Variants in MNAT1 observed in about 807,000 individuals in gnomAD.
The protein encoded by MNAT1 is CDK-activating kinase assembly factor MAT1.
MNAT1 carries 43 observed loss-of-function variants against 42.0 expected under a neutral mutation model. The observed-to-expected ratio is 1.02, with a 90% CI of 0.80 to 1.32. MNAT1 has a LOEUF of 1.32. Ranked by LOEUF, MNAT1 falls within the 40% of genes most tolerant of loss-of-function variation. The pLI is 0.00. For missense variants in MNAT1, 306 were observed against 350.4 expected, an observed-to-expected ratio of 0.87 and a Z score of 1.01; for synonymous variants, 118 against 120.0, an observed-to-expected ratio of 0.98 and a Z score of 0.11.
At chr14:60,931,167 AG>A (rs1019762484) in intron 7 of MNAT1, among the ~76,000 whole-genome samples, 2 of 152,146 alleles carry the variant, frequency 1.3e-5, no homozygotes, top group African/African-American at 4.8e-5. Context: ...CTTCAGGTGC[AG>A]GGTAAGGAAT....
At chr14:60,815,239 T>TG (rs1369826256) in intron 5 of MNAT1, among the ~76,000 whole-genome samples, 1 of 151,852 alleles carries the variant, frequency 6.6e-6, no homozygotes, top group Non-Finnish European at 1.5e-5. Context: ...TTTTTTGAGA[T>TG]GGAGTCTTGC....
At chr14:60,742,475 A>G (rs2140284866) in intron 1 of MNAT1, among the ~76,000 whole-genome samples, 1 of 152,326 alleles carries the variant, frequency 6.6e-6, no homozygotes, top group East Asian at 1.9e-4. Context: ...TTTGCTTTAA[A>G]CAGTCAGTTG....
chr14:60,755,105 C>G lies in MNAT1; in HGVS notation c.89+20154C>G, dbSNP rs572710668. On this transcript the variant is annotated intron_variant, in intron 1 of 7. Coordinates refer to ENST00000261245, the MANE Select transcript of MNAT1 (RefSeq NM_002431.4). ...ACTTCAAACCTCTGGGCTCAGGAACCCTTCTGCCTCAACCTCCCAAGTAGC... is the reference window on the plus strand; with the variant it reads ...ACTTCAAACCTCTGGGCTCAGGAACGCTTCTGCCTCAACCTCCCAAGTAGC... Among the ~76,000 whole-genome samples, 8 of 152,060 alleles carry G rather than the reference C, an allele frequency of 5.3e-5. No individual in the cohort carries two copies. In the South Asian group the frequency reaches 1.7e-3, roughly 32 times the overall value.
intron 7 of MNAT1, among the ~76,000 whole-genome samples, chr14:60,900,502 G>A (rs1324046274): frequency 3.9e-5 from 6 of 152,114 alleles, no homozygotes; most frequent in Non-Finnish European, 8.8e-5. Flanking sequence ...AGCTACAGAA[G>A]AAAATTCTAA....
At chr14:60,736,111 A>C (rs996916880) in intron 1 of MNAT1, among the ~76,000 whole-genome samples, 1 of 152,250 alleles carries the variant, frequency 6.6e-6, no homozygotes, top group African/African-American at 2.4e-5. Flanking sequence ...AAAGAAGTAT[A>C]GTAGAGCTGT....
At chr14:60,913,979 C>T (rs1413501105) in intron 7 of MNAT1, among the ~76,000 whole-genome samples, 4 of 152,218 alleles carry the variant, frequency 2.6e-5, no homozygotes, top group African/African-American at 9.6e-5. Flanking sequence ...CCACGCAGTT[C>T]GAGCTTCCTG....
chr14:60,885,256 T>C (rs1218383634), intron 7 of MNAT1, among the ~76,000 whole-genome samples: 1 of 151,900 alleles, frequency 6.6e-6, no homozygotes, highest in African/African-American at 2.4e-5. Context: ...TGTTCTGTTA[T>C]TCTCCTTATG....
chr14:60,860,544 G>A (rs2034073041), intron 6 of MNAT1, among the ~76,000 whole-genome samples: 2 of 151,726 alleles, frequency 1.3e-5, no homozygotes, highest in South Asian at 2.1e-4. Context: ...TAGTAGAGAC[G>A]GGGTTTGACC....
At chr14:60,887,175 TTTG>T (rs1000352157) in intron 7 of MNAT1, among the ~76,000 whole-genome samples, 4 of 151,614 alleles carry the variant, frequency 2.6e-5, no homozygotes, top group African/African-American at 7.3e-5. Flanking sequence ...TTGCATTTTT[TTTG>T]TTGTTGTTGT....
At chr14:60,953,721 T>C (rs544267537) in intron 7 of MNAT1, among the ~76,000 whole-genome samples, 6 of 152,316 alleles carry the variant, frequency 3.9e-5, no homozygotes, top group Admixed American at 6.5e-5. Flanking sequence ...CCATGATGGC[T>C]TTACAATTTA....
At chr14:60,924,986 T>C (rs1398056829) in intron 7 of MNAT1, among the ~76,000 whole-genome samples, 1 of 152,238 alleles carries the variant, frequency 6.6e-6, no homozygotes, top group Non-Finnish European at 1.5e-5. Context: ...ATATGTTACA[T>C]TGTTAATTAA....
At chr14:60,938,898 C>T (rs1046313165) in intron 7 of MNAT1, among the ~76,000 whole-genome samples, 28 of 152,164 alleles carry the variant, frequency 1.8e-4, no homozygotes, top group Admixed American at 1.3e-4. Flanking sequence ...TAATTATTGC[C>T]TCAATTTCAG....
intron 2 of MNAT1, among the ~76,000 whole-genome samples, chr14:60,796,984 A>G (rs2032039398): frequency 6.6e-6 from 1 of 152,018 alleles, no homozygotes; most frequent in South Asian, 2.1e-4. Flanking sequence ...CATAGTAAAT[A>G]TATGTGTGTA....
rs373998263 is a variant in MNAT1 at position 60,869,041 on chromosome 14, T to TATATATATATATATATATA, written c.688-10673_688-10672insATATATATATATATATATA. 1.9e-3 allele frequency among the ~76,000 whole-genome samples: 173 copies of TATATATATATATATATATA among 92,680 alleles called. 1 individual carries two copies. Among genetic ancestry groups the TATATATATATATATATATA allele is most frequent in the Middle Eastern group, 6.3e-3 (1 of 158 alleles). 60.8% of individuals were successfully genotyped at this position (92,680 alleles called of 152,430 possible). A position where few individuals can be genotyped will look rare whatever the true frequency, so the allele number is the denominator to read the frequency against. ...TTTTATACATATATATATATATATA[T>TATATATATATATATATATA]TTTTTTTTTTTTTTTTGAGACGGAG... On this transcript the variant is annotated intron_variant, in intron 6 of 7. Transcript: ENST00000261245.
At chr14:60,844,219 A>G (rs958060078) in intron 6 of MNAT1, among the ~76,000 whole-genome samples, 4 of 152,078 alleles carry the variant, frequency 2.6e-5, no homozygotes, top group African/African-American at 9.7e-5. Flanking sequence ...TGCTTTTTGC[A>G]TATCCTTAAC....
At chr14:60,859,205 A>C (rs1208328736) in intron 6 of MNAT1, among the ~76,000 whole-genome samples, 1 of 152,236 alleles carries the variant, frequency 6.6e-6, no homozygotes, top group Non-Finnish European at 1.5e-5. Context: ...TTGGAGACCC[A>C]GGCATATCTC....
intron 3 of MNAT1, among the ~76,000 whole-genome samples, chr14:60,805,462 A>G (rs2032338602): frequency 6.6e-6 from 1 of 152,180 alleles, no homozygotes; most frequent in Non-Finnish European, 1.5e-5. Context: ...GGTGCTGTAT[A>G]CCCTATGAGT....
At chr14:60,894,086 C>G (rs2034900558) in intron 7 of MNAT1, among the ~76,000 whole-genome samples, 1 of 152,098 alleles carries the variant, frequency 6.6e-6, no homozygotes, top group Non-Finnish European at 1.5e-5. Context: ...AGGGCTGTTT[C>G]CTGCCTCTCC....
chr14:60,880,284 T>C lies in MNAT1; in HGVS notation c.809+449T>C, dbSNP rs17097860. ...AAATATATTTTGTTGAAAGGTATAA[T>C]GTAAGGCTGGCCCTGTGGTTCAACA... On this transcript the variant is annotated intron_variant, in intron 7 of 7. Coordinates refer to ENST00000261245, the MANE Select transcript of MNAT1 (RefSeq NM_002431.4). 5.1e-3 allele frequency among the ~76,000 whole-genome samples: 778 copies of C among 152,274 alleles called. 14 individuals are homozygous for C. The highest frequency in any genetic ancestry group is 0.018 in the African/African-American group (730 of 41,560).
Sources: gnomAD v4.1 joint callset for allele counts (sites outside exome capture counted in the v4.1 genomes callset) on GRCh38, gnomAD v4.1.1 for gene constraint, MANE v1.5 for transcripts, NCBI Gene and HGNC (gene_info 2026-07-23, HGNC 2026-07-21) for gene names.